Variants in INPP5A observed in about 807,000 individuals in gnomAD.
The protein encoded by INPP5A is inositol polyphosphate-5-phosphatase A.
In INPP5A, 14 loss-of-function variants were observed where a neutral mutation model predicts 65.2. That is an observed-to-expected ratio of 0.21 (90% CI 0.14 to 0.34). The LOEUF is 0.34. INPP5A is among the 10% of genes least tolerant of loss of function. INPP5A has a pLI of 1.00. For missense variants in INPP5A, 431 were observed against 545.6 expected (o/e 0.79, Z 2.09); for synonymous variants, 207 against 208.3 (o/e 0.99, Z 0.05).
At chr10:132,630,185 TAAGGTGTCCATGAGGGG>T (rs1421297928) in intron 2 of INPP5A, among the ~76,000 whole-genome samples, 1 of 148,670 alleles carries the variant, frequency 6.7e-6, no homozygotes, top group Non-Finnish European at 1.5e-5. Context: ...TCCATGAGGG[TAAGGTGTCCATGAGGGG>T]AAGGCGTCCA....
chr10:132,684,206 A>G (rs1253986211), intron 4 of INPP5A, among the ~76,000 whole-genome samples: 1 of 152,096 alleles, frequency 6.6e-6, no homozygotes, highest in African/African-American at 2.4e-5. Context: ...TGGTTCTATC[A>G]TAGGAATATT....
chr10:132,759,910 G>A (rs1342043096), intron 11 of INPP5A, among the ~76,000 whole-genome samples: 2 of 152,080 alleles, frequency 1.3e-5, no homozygotes, highest in Non-Finnish European at 2.9e-5. Context: ...CACTGTGCCC[G>A]GTGCATTCAC....
At chr10:132,734,072 G>A (rs575034588) in intron 9 of INPP5A, among the ~76,000 whole-genome samples, 29 of 152,366 alleles carry the variant, frequency 1.9e-4, no homozygotes, top group Non-Finnish European at 3.7e-4. Flanking sequence ...GTGAACCGGG[G>A]CTGCGCAGGT....
At chr10:132,566,332 T>C (rs2071274580) in intron 1 of INPP5A, among the ~76,000 whole-genome samples, 1 of 152,194 alleles carries the variant, frequency 6.6e-6, no homozygotes, top group Non-Finnish European at 1.5e-5. Context: ...TCTACCAAAC[T>C]GTTGAGGAAC....
chr10:132,571,207 G>T (rs546292144), intron 1 of INPP5A, among the ~76,000 whole-genome samples: 11 of 152,388 alleles, frequency 7.2e-5, no homozygotes, highest in Non-Finnish European at 1.5e-4. Flanking sequence ...TTTGCTGAAT[G>T]AGGTGAACAG....
rs755846845 is a variant in INPP5A at position 132,782,066 on chromosome 10, C to G, written c.*37C>G. 1 of 1,557,068 alleles carries G rather than the reference C, an allele frequency of 6.4e-7. No individual in the cohort carries two copies. The highest frequency in any genetic ancestry group is 1.9e-5 in the Admixed American group (1 of 52,514). On this transcript the variant is annotated 3_prime_UTR_variant, in exon 16 of 16. Transcript: ENST00000368594. The surrounding 1 kb of genome is among the most constrained non-coding windows in gnomAD (Gnocchi z 4.4). Reference sequence around the variant, plus strand: ...GAGATGCCAGCGCCACGAGAGGACACTTCGTGAGCCTCCCTGTAGCCGTGG... The same window carrying G: ...GAGATGCCAGCGCCACGAGAGGACAGTTCGTGAGCCTCCCTGTAGCCGTGG...
chr10:132,663,369 G>A lies in INPP5A; in HGVS notation c.306+12864G>A, dbSNP rs562527937. 6.6e-6 allele frequency among the ~76,000 whole-genome samples: 1 copy of A among 152,150 alleles called. No individual in the cohort carries two copies. The highest frequency in any genetic ancestry group is 6.5e-5 in the Admixed American group (1 of 15,292). ...CCCAAGTAGCTGAGGATACAGGTGT[G>A]CATCACCACGCCTGGCTAAAAAAAA... is the stretch of plus-strand genomic sequence containing the variant. On this transcript the variant is annotated intron_variant, in intron 4 of 15. Coordinates refer to ENST00000368594, the MANE Select transcript of INPP5A (RefSeq NM_005539.5). The surrounding 1 kb of genome is among the most constrained non-coding windows in gnomAD (Gnocchi z 4.5).
rs141624417 is a variant in INPP5A, at chr10:132,765,654, G to C, written c.904-119G>C. 1.2e-5 allele frequency: 8 copies of C among 681,210 alleles called. No individual in the cohort carries two copies. In the East Asian group the frequency reaches 2.1e-4, roughly 18 times the overall value. 42.2% of individuals were successfully genotyped at this position (681,210 alleles called of 1,614,324 possible). On this transcript the variant is annotated intron_variant, in intron 11 of 15. Transcript: ENST00000368594. ...AGAGCTTTCTGGTGACAGATGTGGC[G>C]GCTCTGGGAAGAGCAGATGTCACAC...
chr10:132,632,749 T>C (rs1373441834), intron 2 of INPP5A, among the ~76,000 whole-genome samples: 1 of 152,236 alleles, frequency 6.6e-6, no homozygotes. Context: ...AGGCAATAAA[T>C]GCCCCACACT....
Position 132,624,820 on chromosome 10 carries a change from G to A in INPP5A, c.117+16864G>A, listed in dbSNP as rs562256995. Among the ~76,000 whole-genome samples the A allele has an allele frequency of 8.0e-5, 8 of 99,906 alleles. No individual in the cohort carries two copies. In the South Asian group the frequency reaches 1.1e-3, roughly 14 times the overall value. 65.5% of individuals were successfully genotyped at this position (99,906 alleles called of 152,430 possible). A position where few individuals can be genotyped will look rare whatever the true frequency, so the allele number is the denominator to read the frequency against. On this transcript the variant is annotated intron_variant, in intron 2 of 15. Transcript: ENST00000368594. Reference sequence around the variant, plus strand: ...GTCCTCTGCTCCACACCCCACCCCCGCCCTGGCCTGCCCCACAGTGTCACC... The same window carrying A: ...GTCCTCTGCTCCACACCCCACCCCCACCCTGGCCTGCCCCACAGTGTCACC...
At chr10:132,615,517 G>T (rs571882645) in intron 2 of INPP5A, among the ~76,000 whole-genome samples, 117 of 152,318 alleles carry the variant, frequency 7.7e-4, no homozygotes, top group Admixed American at 1.7e-3. Context: ...GTGCGGGGAG[G>T]CTCCTGAACT....
intron 1 of INPP5A, among the ~76,000 whole-genome samples, chr10:132,602,106 A>G (rs2071783706): frequency 6.6e-6 from 1 of 152,234 alleles, no homozygotes; most frequent in Non-Finnish European, 1.5e-5. Flanking sequence ...TGAACATGGA[A>G]TGGATATCTG....
chr10:132,625,872 G>T (rs868166073), intron 2 of INPP5A, among the ~76,000 whole-genome samples: 883 of 84,272 alleles, frequency 0.01, 13 homozygotes, highest in African/African-American at 0.04. Context: ...GTGTGTGTGT[G>T]TGTGTTTGTG....
intron 4 of INPP5A, among the ~76,000 whole-genome samples, chr10:132,667,071 G>A (rs1311395455): frequency 1.3e-5 from 2 of 152,230 alleles, no homozygotes; most frequent in African/African-American, 4.8e-5. Flanking sequence ...CCAGTGTTGA[G>A]CAAGAGGGAG....
Position 132,749,756 on chromosome 10 carries a change from A to T in INPP5A, c.829-15A>T. 1 of 1,612,494 alleles carries T rather than the reference A, an allele frequency of 6.2e-7. No homozygotes were observed. The highest frequency in any genetic ancestry group is 2.2e-5 in the East Asian group (1 of 44,870). On this transcript the variant is annotated splice_polypyrimidine_tract_variant and intron_variant, in intron 10 of 15. Coordinates refer to ENST00000368594, the MANE Select transcript of INPP5A (RefSeq NM_005539.5). ...GGGGGAGCTCAGGTGCTCATGGGCC[A>T]CTCTGACTTCACAGGTTATGCTCCA...
intron 1 of INPP5A, among the ~76,000 whole-genome samples, chr10:132,600,648 A>G (rs890269367): frequency 6.6e-6 from 1 of 152,182 alleles, no homozygotes; most frequent in Non-Finnish European, 1.5e-5. Context: ...GTATTAGTTC[A>G]TTTTCACACT....
intron 9 of INPP5A, among the ~76,000 whole-genome samples, chr10:132,744,618 C>T (rs1478418794): frequency 6.6e-6 from 1 of 152,176 alleles, no homozygotes; most frequent in Non-Finnish European, 1.5e-5. Context: ...TAGAATCTGC[C>T]CCTTAGTAGC....
rs760796981 is a variant in INPP5A, at chr10:132,650,895, A to G, written c.306+390A>G. Among the ~76,000 whole-genome samples the G allele has an allele frequency of 1.1e-4, 16 of 152,194 alleles. No homozygotes were observed. The highest frequency in any genetic ancestry group is 2.2e-4 in the Non-Finnish European group (15 of 68,022). On this transcript the variant is annotated intron_variant, in intron 4 of 15. Transcript: ENST00000368594. This position sits in a 1 kb window ranked among gnomAD's most constrained non-coding sequence, Gnocchi z 5.5. ...AGCCACCGTCGCCAGCCCTGCTCCC[A>G]TGCTGGGTCCGTCCCTTCCTGATCC...
chr10:132,613,630 C>T (rs908816962), intron 2 of INPP5A, among the ~76,000 whole-genome samples: 2 of 152,198 alleles, frequency 1.3e-5, no homozygotes, highest in Non-Finnish European at 2.9e-5. Context: ...CAGCGCCAAT[C>T]CCCACTCTCG....
Sources: gnomAD v4.1 joint callset for allele counts (sites outside exome capture counted in the v4.1 genomes callset) on GRCh38, gnomAD v4.1.1 for gene constraint, Gnocchi (gnomAD v3.1) non-coding constraint, MANE v1.5 for transcripts, NCBI Gene and HGNC (gene_info 2026-07-23, HGNC 2026-07-21) for gene names.